The following IMPG1 variants were observed in gnomAD, a reference collection of about 807,000 sequenced individuals.
IMPG1 encodes interphotoreceptor matrix proteoglycan of 150 kDa.
IMPG1 carries 85 observed loss-of-function variants against 92.0 expected under a neutral mutation model. The observed-to-expected ratio is 0.92, with a 90% CI of 0.78 to 1.11. The LOEUF is 1.11. Among genes scored for constraint, IMPG1 ranks in the 50% least tolerant of loss-of-function variants. The probability of loss-of-function intolerance (pLI) is 0.00; values close to 1 mark genes in which losing one functional copy is unlikely to be tolerated. For missense variants in IMPG1, 1,022 were observed against 956.0 expected, an observed-to-expected ratio of 1.07 and a Z score of -0.91; for synonymous variants, 367 against 334.1, an observed-to-expected ratio of 1.10 and a Z score of -1.08.
chr6:76,053,658 G>T (rs960022540), intron 1 of IMPG1, among the ~76,000 whole-genome samples: 1 of 151,932 alleles, frequency 6.6e-6, no homozygotes, highest in Non-Finnish European at 1.5e-5. Flanking sequence ...CTACATATTT[G>T]GGGACAAAAT....
At chr6:76,042,807 C>T (rs1419496502) in intron 1 of IMPG1, among the ~76,000 whole-genome samples, 1 of 152,198 alleles carries the variant, frequency 6.6e-6, no homozygotes, top group Non-Finnish European at 1.5e-5. Flanking sequence ...TTTCATCCTG[C>T]TGGCATGGCT....
intron 1 of IMPG1, among the ~76,000 whole-genome samples, chr6:76,048,600 T>A (rs1371979930): frequency 6.6e-6 from 1 of 152,198 alleles, no homozygotes; most frequent in East Asian, 1.9e-4. Flanking sequence ...GAAACTCTTC[T>A]CTCACTTTCC....
At chr6:75,949,296 G>A (rs756262010) in intron 13 of IMPG1, among the ~76,000 whole-genome samples, 1 of 152,204 alleles carries the variant, frequency 6.6e-6, no homozygotes, top group Non-Finnish European at 1.5e-5. Flanking sequence ...AGAAGTTGCA[G>A]TGAAGAAGCT....
At chr6:75,941,623 C>G (rs1322512481) in intron 14 of IMPG1, among the ~76,000 whole-genome samples, 1 of 152,212 alleles carries the variant, frequency 6.6e-6, no homozygotes, top group Non-Finnish European at 1.5e-5. Flanking sequence ...TTGTTTGACT[C>G]ACTATTTACT....
intron 12 of IMPG1, among the ~76,000 whole-genome samples, chr6:75,981,322 A>G (rs959825094): frequency 7.2e-5 from 11 of 152,354 alleles, no homozygotes; most frequent in African/African-American, 2.6e-4. Flanking sequence ...TTTAGTCAGT[A>G]GCTTTGAACT....
intron 12 of IMPG1, among the ~76,000 whole-genome samples, chr6:75,978,397 C>T (rs1165301517): frequency 2.0e-5 from 3 of 152,064 alleles, no homozygotes; most frequent in South Asian, 2.1e-4. Context: ...ACGTATTTTG[C>T]TATTGTTTTC....
intron 1 of IMPG1, among the ~76,000 whole-genome samples, chr6:76,045,895 G>A (rs1783931920): frequency 1.3e-5 from 2 of 152,096 alleles, no homozygotes; most frequent in African/African-American, 2.4e-5. Context: ...AAAATTTAAT[G>A]AGAATGAATT....
chr6:75,974,401 T>TTTCCTTCCTTCCTTCCTTCC (rs761519920), intron 12 of IMPG1, among the ~76,000 whole-genome samples: 3 of 92,798 alleles, frequency 3.2e-5, no homozygotes, highest in African/African-American at 1.2e-4. Context: ...CTTTTCTTTC[T>TTTCCTTCCTTCCTTCCTTCC]TTCCTTCCTT....
intron 11 of IMPG1, 57 bp downstream of exon 11, chr6:76,003,817 G>A: frequency 8.1e-7 from 1 of 1,233,692 alleles, no homozygotes; most frequent in Non-Finnish European, 1.2e-6. Context: ...TTTGTTCTTT[G>A]GTGGAAGGTT....
intron 12 of IMPG1, among the ~76,000 whole-genome samples, chr6:75,952,209 CA>C (rs1376612959): frequency 6.6e-6 from 1 of 152,098 alleles, no homozygotes; most frequent in Admixed American, 6.6e-5. Context: ...ATATTTAAGG[CA>C]TTAAGTGAAC....
At chr6:76,035,978 A>C (rs995501354) in intron 2 of IMPG1, among the ~76,000 whole-genome samples, 1 of 152,230 alleles carries the variant, frequency 6.6e-6, no homozygotes, top group Non-Finnish European at 1.5e-5. Context: ...ATTAAAAATA[A>C]TGATGACAGA....
intron 13 of IMPG1, among the ~76,000 whole-genome samples, 179 bp downstream of exon 13, chr6:75,950,383 C>T (rs1468947409): frequency 6.6e-6 from 1 of 152,206 alleles, no homozygotes; most frequent in African/African-American, 2.4e-5. Flanking sequence ...ACAGAACTCA[C>T]TTCCCCAGTT....
At chr6:76,057,639 A>G (rs1229721870) in intron 1 of IMPG1, among the ~76,000 whole-genome samples, 2 of 152,128 alleles carry the variant, frequency 1.3e-5, no homozygotes, top group African/African-American at 2.4e-5. Flanking sequence ...TTGCATTTGC[A>G]CATGCCTGGG....
intron 12 of IMPG1, among the ~76,000 whole-genome samples, chr6:75,974,382 T>TC (rs1562354687): frequency 3.6e-4 from 40 of 111,056 alleles, no homozygotes; most frequent in African/African-American, 1.1e-3. Context: ...TTTCTTTCTT[T>TC]CTTTCTTTCT....
chr6:75,992,156 C>T (rs1000278155), intron 12 of IMPG1, among the ~76,000 whole-genome samples: 1 of 152,212 alleles, frequency 6.6e-6, no homozygotes, highest in Admixed American at 6.5e-5. Context: ...AGATGGCCTT[C>T]GGACCATCGA....
At chr6:76,068,135 G>T (rs1784343093) in intron 1 of IMPG1, among the ~76,000 whole-genome samples, 1 of 152,182 alleles carries the variant, frequency 6.6e-6, no homozygotes, top group Non-Finnish European at 1.5e-5. Flanking sequence ...AAGAAGACAA[G>T]GATGCCCACT....
chr6:75,953,240 A>G (rs1024869992), intron 12 of IMPG1, among the ~76,000 whole-genome samples: 2 of 152,192 alleles, frequency 1.3e-5, no homozygotes, highest in Non-Finnish European at 2.9e-5. Context: ...ATCAACAAAA[A>G]TAAATTTCTG....
Position 76,070,543 on chromosome 6 carries a change from T to C in IMPG1, c.67+1879A>G, listed in dbSNP as rs141194137. On this transcript the variant is annotated intron_variant, in intron 1 of 16. Transcript: ENST00000369950. ...ATATTTATTGCAGCACTATTACCAA[T>C]AGCAAAGATAGGGAATCAACCCTAG... is the stretch of plus-strand genomic sequence containing the variant. Among the ~76,000 whole-genome samples the C allele has an allele frequency of 6.0e-3, 907 of 152,176 alleles. 3 individuals carry two copies. Among genetic ancestry groups the C allele is most frequent in the Middle Eastern group, 0.014 (4 of 294 alleles).
At chr6:75,945,972 A>G (rs1781921445) in intron 14 of IMPG1, among the ~76,000 whole-genome samples, 1 of 152,094 alleles carries the variant, frequency 6.6e-6, no homozygotes, top group African/African-American at 2.4e-5. Context: ...CTGAGGGAGG[A>G]AGGAAGACAG....
Sources: gnomAD v4.1 joint callset for allele counts (sites outside exome capture counted in the v4.1 genomes callset) on GRCh38, gnomAD v4.1.1 for gene constraint, MANE v1.5 for transcripts, NCBI Gene and HGNC (gene_info 2026-07-23, HGNC 2026-07-21) for gene names.